The following DYDC1 variants were observed in gnomAD, a reference collection of about 807,000 sequenced individuals.
DYDC1 encodes the protein DPY30 domain-containing protein 1.
DYDC1 carries 21 observed loss-of-function variants against 27.9 expected under a neutral mutation model. That is an observed-to-expected ratio of 0.75 (90% CI 0.53 to 1.08). DYDC1 has a LOEUF of 1.08. DYDC1 is among the 50% of genes least tolerant of loss of function. The probability of loss-of-function intolerance (pLI) is 0.00; values close to 1 mark genes in which losing one functional copy is unlikely to be tolerated. For synonymous variants in DYDC1, 67 were observed against 65.8 expected (o/e 1.02, Z -0.09); for missense variants, 202 against 205.9 (o/e 0.98, Z 0.12).
intron 1 of DYDC1, among the ~76,000 whole-genome samples, chr10:80,354,015 C>T (rs1413562615): frequency 1.3e-5 from 2 of 151,666 alleles, no homozygotes; most frequent in Non-Finnish European, 2.9e-5. Flanking sequence ...ACTTGGGAGG[C>T]TGAGGCAGGA....
intron 6 of DYDC1, chr10:80,338,035 A>C: frequency 1.0e-6 from 1 of 972,036 alleles, no homozygotes; most frequent in African/African-American, 1.8e-5. Context: ...AGCATCAGGC[A>C]CAGTGCCTGG....
In DYDC1 at chr10:80,336,158, A is replaced by G; in HGVS notation, c.532T>C (p.Ter178GlnextTer5). 1 of 1,547,544 alleles carries G rather than the reference A, an allele frequency of 6.5e-7. No individual in the cohort carries two copies. ...TATTGCTCTTAGGTTGGTTGGTCCT[A>G]CAAATCTTGATCAATGTTTAATGCA... ...DIALNIDQDL[*>Q] Residue 178 changes from the stop codon to glutamine, a stop_lost, in exon 7 of 7, where the codon TAG becomes CAG. Transcript: ENST00000372202.
intron 4 of DYDC1, among the ~76,000 whole-genome samples, chr10:80,341,461 A>AAAAG (rs957986202): frequency 1.1e-4 from 17 of 150,782 alleles, no homozygotes; most frequent in African/African-American, 3.6e-4. Flanking sequence ...AAAAAAAAAA[A>AAAAG]AAAGAAAGAA....
intron 3 of DYDC1, among the ~76,000 whole-genome samples, chr10:80,346,002 C>T (rs867703804): frequency 6.6e-6 from 1 of 152,160 alleles, no homozygotes; most frequent in East Asian, 1.9e-4. Context: ...CCATCATCAT[C>T]ATGCCTGGAT....
rs764906814 is a variant in DYDC1, at chr10:80,345,669, T to C, written c.250-3308A>G. Among the ~76,000 whole-genome samples the C allele has an allele frequency of 5.3e-5, 8 of 152,188 alleles. 1 individual carries two copies. The highest frequency in any genetic ancestry group is 1.0e-4 in the Non-Finnish European group (7 of 68,030). ...ACATTTTTTTTTTAAGATTTCTACATAGACAGCATGTGGTATTTTTCTTTT... is the reference window on the plus strand; with the variant it reads ...ACATTTTTTTTTTAAGATTTCTACACAGACAGCATGTGGTATTTTTCTTTT... On this transcript the variant is annotated intron_variant, in intron 3 of 6. Transcript: ENST00000372202.
intron 3 of DYDC1, chr10:80,344,755 A>G (rs546604636): frequency 1.1e-4 from 35 of 327,898 alleles, no homozygotes; most frequent in African/African-American, 6.7e-4. Flanking sequence ...TGCTGCCACC[A>G]TGTAAGAAGT....
At chr10:80,352,379 G>A (rs1843046546) in intron 2 of DYDC1, 76 bp downstream of exon 2, 2 of 1,408,658 alleles carry the variant, frequency 1.4e-6, no homozygotes, top group Non-Finnish European at 1.9e-6. Context: ...AAATAATAAT[G>A]TTAAACTTTT....
At chr10:80,341,722 T>C (rs1457710253) in intron 4 of DYDC1, among the ~76,000 whole-genome samples, 1 of 152,060 alleles carries the variant, frequency 6.6e-6, no homozygotes, top group East Asian at 1.9e-4. Context: ...TGTATTTGAT[T>C]GTATAAGAAT....
At chr10:80,336,104 G>C, downstream of DYDC1, 2 of 1,249,780 alleles carry the variant, frequency 1.6e-6, no homozygotes, top group Non-Finnish European at 2.3e-6. Flanking sequence ...GAACCTCATG[G>C]TTTGAAATTT....
chr10:80,348,769 G>A (rs1403204417), intron 3 of DYDC1, among the ~76,000 whole-genome samples: 2 of 152,268 alleles, frequency 1.3e-5, no homozygotes, highest in African/African-American at 4.8e-5. Context: ...ACCTTCTAAG[G>A]AATGAATATG....
chr10:80,353,660 G>T (rs1843150454), intron 1 of DYDC1, among the ~76,000 whole-genome samples: 1 of 150,920 alleles, frequency 6.6e-6, no homozygotes, highest in South Asian at 2.1e-4. Context: ...GACCATCCTG[G>T]CTAACGGATC....
At chr10:80,350,180 CCTA>C (rs1391157673) in intron 3 of DYDC1, among the ~76,000 whole-genome samples, 1 of 152,168 alleles carries the variant, frequency 6.6e-6, no homozygotes, top group African/African-American at 2.4e-5. Context: ...TCTCTTCCGC[CCTA>C]CTACAATACT....
chr10:80,344,978 G>C (rs1340065039), intron 3 of DYDC1, among the ~76,000 whole-genome samples: 1 of 152,196 alleles, frequency 6.6e-6, no homozygotes. Flanking sequence ...AATCTGCTAA[G>C]ATGTGTCATA....
intron 3 of DYDC1, among the ~76,000 whole-genome samples, chr10:80,349,265 T>A (rs754126018): frequency 1.3e-5 from 2 of 152,232 alleles, no homozygotes; most frequent in African/African-American, 2.4e-5. Flanking sequence ...TGAAATGTTA[T>A]CTTTTAAAAA....
At chr10:80,336,326 T>C (rs1842134801) in intron 6 of DYDC1, 141 bp from the exon 7 acceptor site, 1 of 1,365,590 alleles carries the variant, frequency 7.3e-7, no homozygotes, top group Non-Finnish European at 9.4e-7. Flanking sequence ...TTTCAAATGA[T>C]ACTCAAATTG....
chr10:80,350,036 A>G lies in DYDC1; in HGVS notation c.249+1865T>C, dbSNP rs57070273. On this transcript the variant is annotated intron_variant, in intron 3 of 6. Coordinates refer to ENST00000372202, the MANE Select transcript of DYDC1 (RefSeq NM_001269053.2). ...AGCTTACATGACTCAGAAGGCACCC[A>G]GAGGCCTCTCTGTTTTTCTTCATCT... 7.1e-3 allele frequency among the ~76,000 whole-genome samples: 1,086 copies of G among 152,184 alleles called. 12 individuals carry two copies. Among genetic ancestry groups the G allele is most frequent in the African/African-American group, 0.024 (1,016 of 41,556 alleles).
chr10:80,340,406 C>G (rs548630178), intron 4 of DYDC1, among the ~76,000 whole-genome samples: 1 of 152,232 alleles, frequency 6.6e-6, no homozygotes, highest in Admixed American at 6.5e-5. Context: ...ACTACCTATG[C>G]TATGGTGAGG....
intron 1 of DYDC1, among the ~76,000 whole-genome samples, chr10:80,354,802 C>T: frequency 6.6e-6 from 1 of 152,120 alleles, no homozygotes; most frequent in African/African-American, 2.4e-5. Context: ...CCAGAAATGC[C>T]AATGCCTTGA....
At chr10:80,346,765 T>G (rs760619445) in intron 3 of DYDC1, among the ~76,000 whole-genome samples, 16 of 151,976 alleles carry the variant, frequency 1.1e-4, no homozygotes, top group Non-Finnish European at 2.1e-4. Flanking sequence ...CGGCCATGTC[T>G]CTTCCCTTTC....
Sources: allele counts gnomAD v4.1 joint callset (sites outside exome capture counted in the v4.1 genomes callset), GRCh38; gene constraint gnomAD v4.1.1; transcripts MANE v1.5; gene names NCBI Gene and HGNC (gene_info 2026-07-23, HGNC 2026-07-21).